The following NLRP12 variants were observed in gnomAD, a reference collection of about 807,000 sequenced individuals.
NLRP12 encodes the protein NACHT, LRR and PYD domains-containing protein 12.
NLRP12 carries 108 observed loss-of-function variants against 91.2 expected under a neutral mutation model. The observed-to-expected ratio is 1.18, with a 90% CI of 1.01 to 1.39. The LOEUF (loss-of-function observed/expected upper bound fraction) is 1.39. Ranked by LOEUF, NLRP12 falls within the 40% of genes most tolerant of loss-of-function variation. NLRP12 has a pLI of 0.00. For synonymous variants in NLRP12, 613 were observed against 566.7 expected, an observed-to-expected ratio of 1.08 and a Z score of -1.16; for missense variants, 1,530 against 1,352.7, an observed-to-expected ratio of 1.13 and a Z score of -2.06.
Position 53,810,706 on chromosome 19 carries a change from C to G in NLRP12, c.953G>C (p.Arg318Pro). The G allele has an allele frequency of 6.2e-7, 1 of 1,613,966 alleles. No individual in the cohort carries two copies. Among genetic ancestry groups the G allele is most frequent in the Non-Finnish European group, 8.5e-7 (1 of 1,179,998 alleles). The change falls in exon 3 of 10, where the codon CGG becomes CCG. Residue 318 changes from arginine to proline, a missense_variant. Physicochemically the swap from Arg to Pro is moderately radical, Grantham distance 103 (BLOSUM62 -2). Transcript: ENST00000324134. ...GPWCLCWEEK[R>P]PTELLLNSLI... ...GCTGTTAAGAAGCAGCTCCGTGGGC[C>G]GTTTCTCCTCCCAGCAGAGGCACCA...
chr19:53,823,100 C>T (rs74394542), intron 1 of NLRP12, among the ~76,000 whole-genome samples: 3 of 4,716 alleles, frequency 6.4e-4, no homozygotes, highest in Non-Finnish European at 1.9e-3. Context: ...TACACACACA[C>T]ATATACACAC....
chr19:53,809,517 C>CCAAAAAA, intron 3 of NLRP12, 70 bp downstream of exon 3: 1 of 691,936 alleles, frequency 1.4e-6, no homozygotes, highest in Non-Finnish European at 2.2e-6. Flanking sequence ...GGCAACAGAG[C>CCAAAAAA]AAAAAAAAAA....
At chr19:53,800,135 C>G (rs2091842558) in intron 7 of NLRP12, among the ~76,000 whole-genome samples, 1 of 152,048 alleles carries the variant, frequency 6.6e-6, no homozygotes, top group South Asian at 2.1e-4. Context: ...CCCATCTCTA[C>G]TAAAAAAATG....
intron 1 of NLRP12, among the ~76,000 whole-genome samples, chr19:53,819,748 C>T (rs1453549866): frequency 6.7e-6 from 1 of 149,976 alleles, no homozygotes; most frequent in African/African-American, 2.5e-5. Flanking sequence ...CGGAGTTTTG[C>T]TCTTCTTGTC....
rs898024949 is a variant in NLRP12 at position 53,809,525 on chromosome 19, A to AG, written c.2072+61_2072+62insC. On this transcript the variant is annotated intron_variant, in intron 3 of 9. Transcript: ENST00000324134. The stretch of plus-strand genomic sequence containing the variant: ...CAGCCTAGGCAACAGAGCAAAAAAA[A>AG]AAAAAAAAAAAAAAAACACACGAAC... The AG allele has an allele frequency of 5.0e-6, 6 of 1,200,120 alleles. No individual in the cohort carries two copies. In the African/African-American group the frequency reaches 9.9e-5, roughly 20 times the overall value. 74.3% of individuals were successfully genotyped at this position (1,200,120 alleles called of 1,614,324 possible). A position where few individuals can be genotyped will look rare whatever the true frequency, so the allele number is the denominator to read the frequency against.
At chr19:53,798,815 C>CACT (rs1345265613) in intron 7 of NLRP12, among the ~76,000 whole-genome samples, 2 of 152,096 alleles carry the variant, frequency 1.3e-5, no homozygotes, top group African/African-American at 4.8e-5. Flanking sequence ...AATCTCGGCT[C>CACT]ACTGCAACCT....
At chr19:53,800,390 G>C (rs2091848012) in intron 7 of NLRP12, among the ~76,000 whole-genome samples, 1 of 152,116 alleles carries the variant, frequency 6.6e-6, no homozygotes, top group Admixed American at 6.6e-5. Context: ...GATGGCTTCA[G>C]CCCAGGATGT....
Position 53,824,264 on chromosome 19 carries a change from G to T in NLRP12, c.-90C>A. 1 of 1,344,432 alleles carries T rather than the reference G, an allele frequency of 7.4e-7. No homozygotes were observed. Among genetic ancestry groups the T allele is most frequent in the Non-Finnish European group, 1.0e-6 (1 of 952,968 alleles). The allele number at this position is 1,344,432 out of a possible 1,614,324, so 83.3% of individuals were successfully genotyped here. On this transcript the variant is annotated 5_prime_UTR_variant, in exon 1 of 10. Coordinates refer to ENST00000324134, the MANE Select transcript of NLRP12 (RefSeq NM_144687.4). ...GGGCGACCCCAGCACACCTTCCATTGCATCATTCACAGGCAGCGGGCGGAG... is the reference window on the plus strand; with the variant it reads ...GGGCGACCCCAGCACACCTTCCATTTCATCATTCACAGGCAGCGGGCGGAG...
In NLRP12 at chr19:53,798,237, G is replaced by GCT. The variant is rs763190690; in HGVS notation, c.2927+4_2927+5dup. On this transcript the variant is annotated splice_donor_region_variant and intron_variant, in intron 8 of 9. Coordinates refer to ENST00000324134, the MANE Select transcript of NLRP12 (RefSeq NM_144687.4). ...CACTGCCACCCCGTCACTCCCCGAT[G>GCT]CTCACCACAGTTTCTGGAGTCTGCA... 2.9e-4 allele frequency: 461 copies of GCT among 1,614,156 alleles called. 8 individuals carry two copies. The South Asian group carries it at 4.0e-3, about 14-fold the overall frequency.
chr19:53,799,812 GA>G (rs2091837274), intron 7 of NLRP12, among the ~76,000 whole-genome samples: 1 of 152,028 alleles, frequency 6.6e-6, no homozygotes, highest in South Asian at 2.1e-4. Context: ...TGCTGAGGGG[GA>G]AGTATGAGGT....
intron 1 of NLRP12, among the ~76,000 whole-genome samples, chr19:53,822,728 C>A (rs1440953268): frequency 4.1e-5 from 4 of 98,030 alleles, no homozygotes; most frequent in Non-Finnish European, 8.3e-5. Context: ...CAGAGCGAGA[C>A]TCAGTCTTAA....
intron 7 of NLRP12, 54 bp from the exon 8 acceptor site, chr19:53,798,467 G>A (rs1471225632): frequency 1.3e-6 from 2 of 1,561,832 alleles, no homozygotes; most frequent in African/African-American, 2.7e-5. Context: ...TGCAAAATCT[G>A]CTGGGAGGGC....
chr19:53,809,224 T>TAAAA (rs3973673), intron 3 of NLRP12, among the ~76,000 whole-genome samples: 11 of 133,664 alleles, frequency 8.2e-5, no homozygotes, highest in African/African-American at 2.9e-4. Context: ...AGACTTAGTT[T>TAAAA]AAAAAAAAAA....
rs372647059 is a variant in NLRP12 at position 53,804,067 on chromosome 19, C to G, written c.2470G>C (p.Gly824Arg). Residue 824 changes from glycine (G) to arginine (R), a missense_variant, in exon 6 of 10, where the codon GGC becomes CGC. By Grantham distance (125) the Gly-to-Arg change is moderately radical. Coordinates refer to ENST00000324134, the MANE Select transcript of NLRP12 (RefSeq NM_144687.4). ...GACQEMASVL[G>R]TNPHLVELDL... ...AACTCAACCAGATGTGGGTTGGTGC[C>G]GAGCACAGAAGCCATCTCCTGACAA... The G allele has an allele frequency of 6.2e-7, 1 of 1,613,984 alleles. No homozygotes were observed.
At position 53,807,584 on chromosome 19, in the gene NLRP12, C is replaced by A. The variant is rs2091981817; in HGVS notation, c.2154G>T (p.Leu718=). The A allele has an allele frequency of 1.2e-6, 2 of 1,613,998 alleles. No individual in the cohort carries two copies. Among genetic ancestry groups the A allele is most frequent in the Admixed American group, 1.7e-5 (1 of 59,976 alleles). The part of the protein sequence containing the change: ...ALCTNPNLIE[L]SLYRNALGSR... Reference sequence around the variant, plus strand: ...TGCCCAGGGCATTTCGGTACAGAGACAGCTCTATCAGGTTTGGATTGGTGC... The same window carrying A: ...TGCCCAGGGCATTTCGGTACAGAGAAAGCTCTATCAGGTTTGGATTGGTGC... Residue 718 remains leucine (L), a synonymous_variant, in exon 4 of 10, where the codon CTG becomes CTT. Coordinates refer to ENST00000324134, the MANE Select transcript of NLRP12 (RefSeq NM_144687.4).
intron 7 of NLRP12, 68 bp downstream of exon 7, chr19:53,801,159 T>C: frequency 3.5e-6 from 5 of 1,447,938 alleles, no homozygotes; most frequent in African/African-American, 1.4e-5. Context: ...CTGGCCTCCG[T>C]GGTCCCAGGT....
At chr19:53,794,175 T>C (rs1209268807) in intron 9 of NLRP12, 39 bp from the exon 10 acceptor site, 6 of 1,321,082 alleles carry the variant, frequency 4.5e-6, no homozygotes, top group African/African-American at 1.4e-5. Context: ...AGTGTACTAC[T>C]GTGGCATTCA....
chr19:53,798,200 T>G, intron 8 of NLRP12, 43 bp downstream of exon 8: 1 of 1,609,250 alleles, frequency 6.2e-7, no homozygotes, highest in Non-Finnish European at 8.5e-7. Flanking sequence ...GCTTCCACTG[T>G]CCAAACGTGA....
intron 2 of NLRP12, among the ~76,000 whole-genome samples, chr19:53,813,446 T>C (rs1381698912): frequency 6.6e-6 from 1 of 151,044 alleles, no homozygotes; most frequent in Admixed American, 6.6e-5. Context: ...AGACTACAGG[T>C]GCCTGCCACC....
Sources: gnomAD v4.1 joint callset for allele counts (sites outside exome capture counted in the v4.1 genomes callset) on GRCh38, gnomAD v4.1.1 for gene constraint, MANE v1.5 for transcripts, NCBI Gene and HGNC (gene_info 2026-07-23, HGNC 2026-07-21) for gene names.